RAB27B: variants seen among roughly 807,000 people sequenced by gnomAD.
RAB27B encodes ras-related protein Rab-27B.
A neutral mutation model predicts 24.6 loss-of-function variants in RAB27B; 15 were observed. The ratio of observed to expected loss-of-function variants is 0.61; its 90% CI spans 0.41 to 0.94. The LOEUF is 0.94. RAB27B is among the 40% of genes least tolerant of loss of function. The probability of loss-of-function intolerance (pLI) is 0.00; values close to 1 mark genes in which losing one functional copy is unlikely to be tolerated. For missense variants in RAB27B, 261 were observed against 266.8 expected, an observed-to-expected ratio of 0.98 and a Z score of 0.15; for synonymous variants, 105 against 92.5, an observed-to-expected ratio of 1.14 and a Z score of -0.78.
chr18:54,866,372 C>T (rs73489404), intron 1 of RAB27B, among the ~76,000 whole-genome samples: 9,737 of 152,232 alleles, frequency 0.064, 1,060 homozygotes, highest in African/African-American at 0.22. Context: ...ATCTTCTCAC[C>T]GCAACCTCCG....
chr18:54,850,785 ATATT>A (rs999149711), intron 1 of RAB27B, among the ~76,000 whole-genome samples: 3 of 150,766 alleles, frequency 2.0e-5, no homozygotes, highest in Non-Finnish European at 3.0e-5. Context: ...AATTAATAAA[ATATT>A]AATTTAAATA....
chr18:54,760,369 C>G (rs1345506380), intron 2 of RAB27B, among the ~76,000 whole-genome samples: 1 of 152,118 alleles, frequency 6.6e-6, no homozygotes, highest in African/African-American at 2.4e-5. Context: ...TACTACATAT[C>G]TAGGTAGAGG....
At chr18:54,744,589 A>T (rs1910175496) in intron 2 of RAB27B, among the ~76,000 whole-genome samples, 1 of 152,244 alleles carries the variant, frequency 6.6e-6, no homozygotes, top group Non-Finnish European at 1.5e-5. Context: ...CATTACGTAT[A>T]CATTGTATAC....
chr18:54,800,386 T>C (rs1248101903), intron 2 of RAB27B, among the ~76,000 whole-genome samples: 2 of 152,242 alleles, frequency 1.3e-5, no homozygotes, highest in African/African-American at 2.4e-5. Flanking sequence ...TTAATGTGAT[T>C]CAAAGCCTAG....
chr18:54,856,264 A>C (rs1054096075), intron 1 of RAB27B, among the ~76,000 whole-genome samples: 2 of 152,230 alleles, frequency 1.3e-5, no homozygotes, highest in African/African-American at 4.8e-5. Flanking sequence ...GGAAAAATTC[A>C]GGTAGAGAGA....
At chr18:54,785,822 C>T (rs1221032548) in intron 2 of RAB27B, among the ~76,000 whole-genome samples, 1 of 152,108 alleles carries the variant, frequency 6.6e-6, no homozygotes, top group Non-Finnish European at 1.5e-5. Context: ...GGCCAGCGAC[C>T]ATGGTTGATG....
intron 4 of RAB27B, among the ~76,000 whole-genome samples, chr18:54,887,395 A>G (rs1913188834): frequency 1.3e-5 from 2 of 152,030 alleles, no homozygotes; most frequent in African/African-American, 4.8e-5. Flanking sequence ...ACTATGTGCT[A>G]GCAACTTGGT....
At chr18:54,721,377 C>A (rs1021004062) in intron 2 of RAB27B, among the ~76,000 whole-genome samples, 1 of 152,118 alleles carries the variant, frequency 6.6e-6, no homozygotes, top group Non-Finnish European at 1.5e-5. Context: ...AGGAAGTTAA[C>A]GCTAAGGAAA....
chr18:54,867,423 C>CTTTCTTTTCTTTTCTTTTCT (rs199804927), intron 1 of RAB27B, among the ~76,000 whole-genome samples: 1 of 124,796 alleles, frequency 8.0e-6, no homozygotes, highest in African/African-American at 3.0e-5. Flanking sequence ...AAGCCTGATG[C>CTTTCTTTTCTTTTCTTTTCT]TTTCTTTTCT....
At chr18:54,794,925 A>G (rs58891935) in intron 2 of RAB27B, among the ~76,000 whole-genome samples, 3,786 of 107,572 alleles carry the variant, frequency 0.035, 161 homozygotes, top group African/African-American at 0.094. Context: ...TGGTTACTAT[A>G]TATTTGTTAC....
intron 1 of RAB27B, among the ~76,000 whole-genome samples, chr18:54,870,422 C>T (rs879437395): frequency 6.6e-6 from 1 of 152,028 alleles, no homozygotes; most frequent in Non-Finnish European, 1.5e-5. Flanking sequence ...AATGGGAAAA[C>T]ACTAAAAAAA....
chr18:54,783,323 G>C (rs7239434), intron 2 of RAB27B, among the ~76,000 whole-genome samples: 10,303 of 152,050 alleles, frequency 0.068, 475 homozygotes, highest in African/African-American at 0.11. Flanking sequence ...TTATCATTAT[G>C]TCAATTATTT....
chr18:54,873,856 T>C (rs1389927748), intron 1 of RAB27B, among the ~76,000 whole-genome samples: 3 of 152,154 alleles, frequency 2.0e-5, no homozygotes, highest in Non-Finnish European at 4.4e-5. Context: ...TAGCTTAATA[T>C]GTCAAATAGC....
intron 3 of RAB27B, among the ~76,000 whole-genome samples, chr18:54,881,687 G>T (rs1912930431): frequency 6.6e-6 from 1 of 152,172 alleles, no homozygotes; most frequent in Admixed American, 6.5e-5. Flanking sequence ...TGAGATGGGT[G>T]GGGGAGGCTG....
intron 2 of RAB27B, among the ~76,000 whole-genome samples, chr18:54,807,778 G>C (rs909135234): frequency 6.6e-6 from 1 of 152,106 alleles, no homozygotes; most frequent in Non-Finnish European, 1.5e-5. Context: ...TCTGAAAATG[G>C]GATACTTCTG....
intron 2 of RAB27B, among the ~76,000 whole-genome samples, chr18:54,785,017 T>C (rs1308445071): frequency 2.6e-5 from 4 of 152,194 alleles, no homozygotes; most frequent in Non-Finnish European, 5.9e-5. Flanking sequence ...CCTTGGTGTA[T>C]GCCTCCAGCC....
chr18:54,779,225 C>A (rs1005571245), intron 2 of RAB27B, among the ~76,000 whole-genome samples: 1 of 152,122 alleles, frequency 6.6e-6, no homozygotes, highest in Non-Finnish European at 1.5e-5. Context: ...TCTTCATCTT[C>A]AAAATTTTGT....
chr18:54,852,169 A>G (rs1301086716), intron 1 of RAB27B, among the ~76,000 whole-genome samples: 1 of 152,204 alleles, frequency 6.6e-6, no homozygotes, highest in African/African-American at 2.4e-5. Context: ...ATAGTTGCAG[A>G]CACTACTTAG....
chr18:54,732,115 G>T (rs1037062720), intron 2 of RAB27B, among the ~76,000 whole-genome samples: 1 of 152,154 alleles, frequency 6.6e-6, no homozygotes, highest in Non-Finnish European at 1.5e-5. Context: ...CTCTAGGAAA[G>T]ATATAAATCT....
Sources: allele counts gnomAD v4.1 joint callset (sites outside exome capture counted in the v4.1 genomes callset), GRCh38; gene constraint gnomAD v4.1.1; transcripts MANE v1.5; gene names NCBI Gene and HGNC (gene_info 2026-07-23, HGNC 2026-07-21).